The following BLTP1 variants were observed in gnomAD, a reference collection of about 807,000 sequenced individuals.
BLTP1 encodes the protein fragile site-associated protein.
the BLTP1 span, chr4:122,345,074 A>G: frequency 1.1e-6 from 1 of 944,440 alleles, no homozygotes; most frequent in Non-Finnish European, 1.3e-6. Flanking sequence ...AATACTGAGT[A>G]AAAACTTTCA....
At chr4:122,258,927 T>G in the BLTP1 span, 1 of 737,968 alleles carries the variant, frequency 1.4e-6, no homozygotes, top group Non-Finnish European at 2.2e-6. Context: ...ATGTTAGGTG[T>G]CCACCCTAAA....
the BLTP1 span, among the ~76,000 whole-genome samples, chr4:122,165,275 A>G: frequency 1.3e-5 from 2 of 151,554 alleles, no homozygotes; most frequent in Non-Finnish European, 2.9e-5. Context: ...TCCTGTGTCC[A>G]TGTGTTCTCA....
the BLTP1 span, among the ~76,000 whole-genome samples, chr4:122,160,642 TACAA>T: frequency 2.8e-4 from 43 of 152,240 alleles, no homozygotes; most frequent in African/African-American, 9.4e-4. Context: ...TTTGTCACTT[TACAA>T]ACAGTTTACA....
At chr4:122,355,288 G>A in the BLTP1 span, among the ~76,000 whole-genome samples, 1 of 152,016 alleles carries the variant, frequency 6.6e-6, no homozygotes, top group Non-Finnish European at 1.5e-5. Context: ...TTTAATCATA[G>A]CACATATGTT....
the BLTP1 span, among the ~76,000 whole-genome samples, chr4:122,230,453 A>G: frequency 6.6e-6 from 1 of 152,198 alleles, no homozygotes; most frequent in East Asian, 1.9e-4. Context: ...TTCTAAGTCT[A>G]TACCATGTAT....
the BLTP1 span, chr4:122,281,149 T>C: frequency 9.7e-6 from 2 of 206,064 alleles, no homozygotes; most frequent in East Asian, 3.7e-4. Context: ...GTTATTATTG[T>C]TATTGTTGGG....
the BLTP1 span, chr4:122,269,484 G>A: frequency 2.4e-5 from 24 of 985,012 alleles, no homozygotes; most frequent in African/African-American, 3.5e-5. Context: ...CGCCAGCTCC[G>A]ATGCTCCACA....
the BLTP1 span, chr4:122,197,392 A>G: frequency 1.0e-6 from 1 of 1,000,656 alleles, no homozygotes; most frequent in Non-Finnish European, 1.3e-6. Context: ...TTTTTTAATT[A>G]TATTTTGATG....
chr4:122,279,861 A>C, the BLTP1 span: 1 of 1,614,106 alleles, frequency 6.2e-7, no homozygotes, highest in South Asian at 1.1e-5. Flanking sequence ...GCTGTGTTCA[A>C]AGTAGGAGCT....
chr4:122,321,024 T>C, the BLTP1 span, among the ~76,000 whole-genome samples: 8 of 150,648 alleles, frequency 5.3e-5, no homozygotes, highest in Admixed American at 1.3e-4. Flanking sequence ...CCCTAGAGAC[T>C]GCAGTCTACA....
chr4:122,185,839 TA>T, the BLTP1 span: 5 of 191,124 alleles, frequency 2.6e-5, no homozygotes, highest in Non-Finnish European at 3.9e-5. Flanking sequence ...AATGCTAAAT[TA>T]AAATATAACA....
At chr4:122,359,714 T>C in the BLTP1 span, 1 of 1,607,890 alleles carries the variant, frequency 6.2e-7, no homozygotes, top group Non-Finnish European at 8.5e-7. Flanking sequence ...ATCTAGAACC[T>C]ACTCTTAGGT....
the BLTP1 span, among the ~76,000 whole-genome samples, chr4:122,320,071 G>C: frequency 3.8e-4 from 58 of 152,182 alleles, no homozygotes; most frequent in African/African-American, 1.3e-3. Context: ...AAGGGTTATT[G>C]AGTCTCAAAC....
At chr4:122,161,550 T>C in the BLTP1 span, among the ~76,000 whole-genome samples, 1 of 151,682 alleles carries the variant, frequency 6.6e-6, no homozygotes, top group Non-Finnish European at 1.5e-5. Context: ...CCCATTTCAG[T>C]CTCTCCAGTA....
At chr4:122,238,075 A>G in the BLTP1 span, 11,115 of 1,611,100 alleles carry the variant, frequency 6.9e-3, 658 homozygotes, top group African/African-American at 0.13. Flanking sequence ...CACTTAACCC[A>G]CCTTTTGTTT....
chr4:122,201,417 T>C, the BLTP1 span, among the ~76,000 whole-genome samples: 5 of 152,202 alleles, frequency 3.3e-5, no homozygotes, highest in African/African-American at 1.2e-4. Flanking sequence ...ATGGAGATGA[T>C]GAATCAATTT....
chr4:122,260,501 TAAAGA>T, the BLTP1 span, among the ~76,000 whole-genome samples: 1 of 152,160 alleles, frequency 6.6e-6, no homozygotes, highest in Non-Finnish European at 1.5e-5. Context: ...TTCTTATAAT[TAAAGA>T]AATGTAAATT....
the BLTP1 span, among the ~76,000 whole-genome samples, chr4:122,285,495 A>G: frequency 6.6e-6 from 1 of 152,168 alleles, no homozygotes; most frequent in African/African-American, 2.4e-5. Flanking sequence ...GTCATGACTC[A>G]TCTGGCCATT....
the BLTP1 span, among the ~76,000 whole-genome samples, chr4:122,273,739 T>A: frequency 1.3e-5 from 2 of 151,974 alleles, no homozygotes; most frequent in African/African-American, 4.8e-5. Flanking sequence ...TGAAAAGATA[T>A]CTGTACAAAG....
Sources: allele counts gnomAD v4.1 joint callset (sites outside exome capture counted in the v4.1 genomes callset), GRCh38; gene constraint gnomAD v4.1.1; transcripts MANE v1.5; gene names NCBI Gene and HGNC (gene_info 2026-07-23, HGNC 2026-07-21).